The following ARFRP1 variants were observed in gnomAD, a reference collection of about 807,000 sequenced individuals.
The protein encoded by ARFRP1 is ARF related protein 1.
In ARFRP1, 19 loss-of-function variants were observed where a neutral mutation model predicts 30.3. The ratio of observed to expected loss-of-function variants is 0.63; its 90% confidence interval spans 0.44 to 0.92. The LOEUF is 0.92. ARFRP1 is among the 40% of genes least tolerant of loss of function. The pLI is 0.00. For missense variants in ARFRP1, 245 were observed against 267.5 expected, an observed-to-expected ratio of 0.92 and a Z score of 0.59; for synonymous variants, 133 against 114.2, an observed-to-expected ratio of 1.16 and a Z score of -1.05.
intron 5 of ARFRP1, 98 bp from the exon 6 acceptor site, chr20:63,701,998 G>GCCCCCCCCCCCCCCCCCCCCCCCCCCCC: frequency 1.7e-6 from 1 of 583,916 alleles, no homozygotes; most frequent in South Asian, 2.1e-5. Flanking sequence ...CACTCCCTCT[G>GCCCCCCCCCCCCCCCCCCCCCCCCCCCC]CCCCCCCCCC....
chr20:63,706,913 G>A, intron 2 of ARFRP1, 86 bp downstream of exon 2: 3 of 1,508,788 alleles, frequency 2.0e-6, no homozygotes, highest in Non-Finnish European at 2.7e-6. Flanking sequence ...TTCCGTCTGG[G>A]TAGTGAACGT....
chr20:63,700,477 A>G lies in ARFRP1; in HGVS notation c.572T>C (p.Val191Ala), dbSNP rs932562101. The part of the protein sequence containing the change: ...EWMVKCVVRN[V>A]HRPPRQRDIT ...GTCCCTCTGCCGCGGCGGCCGGTGC[A>G]CATTCCGCACGACACACTTCACCAT... The change falls in exon 8 of 8, where the codon GTG becomes GCG. Residue 191 changes from valine to alanine, a missense_variant. Transcript: ENST00000622789. The G allele has an allele frequency of 1.7e-5, 28 of 1,610,118 alleles. No individual in the cohort carries two copies. The highest frequency in any genetic ancestry group is 2.4e-5 in the Non-Finnish European group (28 of 1,179,862).
Position 63,698,790 on chromosome 20 carries a change from T to G in ARFRP1, c.*1653A>C. The stretch of plus-strand genomic sequence containing the variant: ...TGCCATCAGAACTGCTGCCCGGGGC[T>G]TCCCCTACCTCAGACAGACCCTCCC... On this transcript the variant is annotated 3_prime_UTR_variant, in exon 8 of 8. Transcript: ENST00000622789. 4.3e-6 allele frequency: 2 copies of G among 460,842 alleles called. No individual in the cohort carries two copies. Among genetic ancestry groups the G allele is most frequent in the Admixed American group, 4.3e-5 (1 of 23,240 alleles). 28.5% of individuals were successfully genotyped at this position (460,842 alleles called of 1,614,324 possible). A position where few individuals can be genotyped will look rare whatever the true frequency, so the allele number is the denominator to read the frequency against.
At chr20:63,707,243 C>A in intron 1 of ARFRP1, 146 bp from the exon 2 acceptor site, 1 of 654,628 alleles carries the variant, frequency 1.5e-6, no homozygotes, top group Non-Finnish European at 2.7e-6. Context: ...GTCCCTCTCC[C>A]ACCCCGTCCC....
chr20:63,707,118 C>A (rs2091517292), intron 1 of ARFRP1, 21 bp from the exon 2 acceptor site: 30 of 1,579,266 alleles, frequency 1.9e-5, no homozygotes, highest in Non-Finnish European at 2.5e-5. Context: ...CAACATAGGT[C>A]AGTGTGCAGC....
chr20:63,702,243 G>A, intron 4 of ARFRP1, 26 bp from the exon 5 acceptor site: 2 of 1,599,548 alleles, frequency 1.3e-6, no homozygotes, highest in Non-Finnish European at 1.7e-6. Context: ...AGGAGTTGGG[G>A]CTCAGTCCCC....
intron 5 of ARFRP1, 38 bp downstream of exon 5, chr20:63,702,096 TCA>T (rs1277714753): frequency 5.1e-6 from 8 of 1,560,044 alleles, no homozygotes; most frequent in Non-Finnish European, 7.0e-6. Context: ...CTGCCCCCAC[TCA>T]CCATCCATCC....
intron 6 of ARFRP1, chr20:63,701,088 A>G (rs896835225): frequency 1.0e-5 from 4 of 400,642 alleles, no homozygotes; most frequent in Admixed American, 3.2e-5. Flanking sequence ...TGATGGAGGC[A>G]GTCTGCAGTC....
At chr20:63,706,872 G>A (rs757743571) in intron 2 of ARFRP1, 127 bp downstream of exon 2, 113 of 1,283,670 alleles carry the variant, frequency 8.8e-5, no homozygotes, top group Middle Eastern at 3.7e-4. Flanking sequence ...GGCTGGTGGT[G>A]ACTATCCTGC....
intron 4 of ARFRP1, 188 bp from the exon 5 acceptor site, chr20:63,702,405 G>T: frequency 1.6e-6 from 1 of 607,978 alleles, no homozygotes; most frequent in Non-Finnish European, 2.9e-6. Context: ...GTCCCCAGAC[G>T]CTGCTCCTGA....
intron 4 of ARFRP1, 31 bp downstream of exon 4, chr20:63,706,326 G>T: frequency 6.3e-7 from 1 of 1,593,096 alleles, no homozygotes; most frequent in South Asian, 1.1e-5. Context: ...GGAGGGCTGG[G>T]GTGGGGGTGG....
chr20:63,704,628 C>G (rs1240554189), intron 4 of ARFRP1: 1 of 152,284 alleles, frequency 6.6e-6, no homozygotes, highest in Non-Finnish European at 1.5e-5. Flanking sequence ...CCCCTTAAGT[C>G]TCCCTCTTCC....
rs748523089 is a variant in ARFRP1 at position 63,700,705 on chromosome 20, G to T, written c.418-3C>A. ...ATGTCAGGGATTGAGAGGCACGTCT[G>T]GGGGAGGTAAGGCCGTGAGGAGCAG... On this transcript the variant is annotated splice_polypyrimidine_tract_variant and splice_region_variant and intron_variant, in intron 6 of 7. Coordinates refer to ENST00000622789, the MANE Select transcript of ARFRP1 (RefSeq NM_001267547.3). The T allele has an allele frequency of 7.5e-6, 12 of 1,610,260 alleles. No individual in the cohort carries two copies. Among genetic ancestry groups the T allele is most frequent in the Non-Finnish European group, 1.0e-5 (12 of 1,179,792 alleles).
intron 1 of ARFRP1, chr20:63,707,442 G>C (rs920663565): frequency 4.7e-6 from 1 of 213,812 alleles, no homozygotes; most frequent in Admixed American, 5.7e-5. Context: ...CGCGCGGAAC[G>C]GGGAACACAC....
rs1418292426 is a variant in ARFRP1 at position 63,702,010 on chromosome 20, C to CT, written c.347-111_347-110insA. 37 of 893,200 alleles carry CT rather than the reference C, an allele frequency of 4.1e-5. 1 individual carries two copies. Among genetic ancestry groups the CT allele is most frequent in the South Asian group, 1.0e-4 (6 of 60,128 alleles). The allele number at this position is 893,200 out of a possible 1,614,324, so 55.3% of individuals were successfully genotyped here. A position where few individuals can be genotyped will look rare whatever the true frequency, so the allele number is the denominator to read the frequency against. On this transcript the variant is annotated intron_variant, in intron 5 of 7. Coordinates refer to ENST00000622789, the MANE Select transcript of ARFRP1 (RefSeq NM_001267547.3). ...AGCCACTCCCTCTGCCCCCCCCCCC[C>CT]CCGTCACCCACTAGGCAGGAGCACT...
At chr20:63,701,751 G>A in intron 6 of ARFRP1, 79 bp downstream of exon 6, 2 of 1,365,212 alleles carry the variant, frequency 1.5e-6, no homozygotes. Context: ...TGGGGTGTCT[G>A]GGTGCACACC....
Position 63,706,833 on chromosome 20 carries a change from G to A in ARFRP1, c.94-95C>T, listed in dbSNP as rs553168411. The A allele has an allele frequency of 2.5e-5, 33 of 1,302,962 alleles. No individual in the cohort carries two copies. In the South Asian group the frequency reaches 3.6e-4, roughly 14 times the overall value. The allele number at this position is 1,302,962 out of a possible 1,614,324, so 80.7% of individuals were successfully genotyped here. A position where few individuals can be genotyped will look rare whatever the true frequency, so the allele number is the denominator to read the frequency against. On this transcript the variant is annotated intron_variant, in intron 2 of 7. Transcript: ENST00000622789. ...GTCTGTTCTTTAAAAGACAGAAACA[G>A]AAACAGAGCAACACTCTGCTCTTCA...
Position 63,700,612 on chromosome 20 carries a change from C to T in ARFRP1, c.508G>A (p.Ala170Thr). The T allele has an allele frequency of 6.2e-7, 1 of 1,610,542 alleles. No individual in the cohort carries two copies. Residue 170 changes from alanine to threonine, a missense_variant, in exon 7 of 8, where the codon GCC becomes ACC. Coordinates refer to ENST00000622789, the MANE Select transcript of ARFRP1 (RefSeq NM_001267547.3). ...GCAGCCCCCACTCACCCTGTGAGGG[C>T]CGAGCAGGCCTGGGTCAGGCAATCT... is the stretch of plus-strand genomic sequence containing the variant. ...RRDCLTQACS[A>T]LTGKGVREGI...
chr20:63,705,251 G>A (rs535101718), intron 4 of ARFRP1: 1 of 160,096 alleles, frequency 6.2e-6, no homozygotes, highest in Non-Finnish European at 1.4e-5. Context: ...TTCTTGGCTA[G>A]AAGTCACAGC....
Sources: gnomAD v4.1 joint callset for allele counts on GRCh38, gnomAD v4.1.1 for gene constraint, MANE v1.5 for transcripts, NCBI Gene and HGNC (gene_info 2026-07-23, HGNC 2026-07-21) for gene names.